PTK2: variants seen among roughly 807,000 people sequenced by gnomAD.
The protein encoded by PTK2 is focal adhesion kinase 1.
PTK2 carries 45 observed loss-of-function variants against 150.1 expected under a neutral mutation model. The observed-to-expected ratio is 0.30, with a 90% CI of 0.24 to 0.38. PTK2 has a LOEUF of 0.38. PTK2 is among the 10% of genes least tolerant of loss of function. The probability of loss-of-function intolerance (pLI) is 1.00; values close to 1 mark genes in which losing one functional copy is unlikely to be tolerated. For missense variants in PTK2, 919 were observed against 1,307.3 expected, an observed-to-expected ratio of 0.70 and a Z score of 4.58; for synonymous variants, 432 against 449.2, an observed-to-expected ratio of 0.96 and a Z score of 0.48.
At chr8:140,901,831 C>CG (rs2100158598) in intron 2 of PTK2, among the ~76,000 whole-genome samples, 1 of 151,938 alleles carries the variant, frequency 6.6e-6, no homozygotes, top group Non-Finnish European at 1.5e-5. Context: ...CGACAGGCCC[C>CG]GGTGTGTGAT....
At chr8:140,783,305 T>C (rs2100082950) in intron 14 of PTK2, among the ~76,000 whole-genome samples, 2 of 152,192 alleles carry the variant, frequency 1.3e-5, no homozygotes, top group Non-Finnish European at 2.9e-5. Flanking sequence ...TAGTCCAAGA[T>C]CAAGATTTCC....
chr8:140,814,191 C>G (rs1046749487), intron 10 of PTK2, among the ~76,000 whole-genome samples: 2 of 152,156 alleles, frequency 1.3e-5, no homozygotes, highest in African/African-American at 4.8e-5. Context: ...AAGCCCAGCA[C>G]CACATGGATT....
chr8:140,732,689 C>A, intron 22 of PTK2: 1 of 423,056 alleles, frequency 2.4e-6, no homozygotes, highest in East Asian at 8.1e-5. Flanking sequence ...TGACTAGCAC[C>A]AGGCTCAGCT....
chr8:140,960,873 G>A (rs1053644445), intron 1 of PTK2, among the ~76,000 whole-genome samples: 5 of 151,986 alleles, frequency 3.3e-5, no homozygotes, highest in Admixed American at 6.5e-5. Context: ...CCAGCCACTC[G>A]GGAGGCTGAG....
chr8:140,731,002 G>T (rs1360407047), intron 22 of PTK2, among the ~76,000 whole-genome samples: 1 of 130,552 alleles, frequency 7.7e-6, no homozygotes, highest in Non-Finnish European at 1.6e-5. Context: ...CTTGTCTCCC[G>T]GGCTGGAGTG....
At position 140,715,172 on chromosome 8, in the gene PTK2, T is replaced by G. The variant is rs1045760655; in HGVS notation, c.2142+2426A>C. Among the ~76,000 whole-genome samples the G allele has an allele frequency of 1.9e-3, 244 of 127,402 alleles. 10 individuals are homozygous for G. Among genetic ancestry groups the G allele is most frequent in the Non-Finnish European group, 2.9e-3 (178 of 60,668 alleles). 83.6% of individuals were successfully genotyped at this position (127,402 alleles called of 152,430 possible). A position where few individuals can be genotyped will look rare whatever the true frequency, so the allele number is the denominator to read the frequency against. On this transcript the variant is annotated intron_variant, in intron 23 of 31. Coordinates refer to ENST00000522684, the Ensembl canonical transcript of PTK2. ...TTAAAACCGTTTTTTTTTTTTTTTTTTTTTTTTTTTTTTTTTTTTTGAGAG... is the reference window on the plus strand; with the variant it reads ...TTAAAACCGTTTTTTTTTTTTTTTTGTTTTTTTTTTTTTTTTTTTTGAGAG...
chr8:140,703,224 T>C (rs949108092), intron 24 of PTK2, among the ~76,000 whole-genome samples: 1 of 151,588 alleles, frequency 6.6e-6, no homozygotes, highest in African/African-American at 2.4e-5. Context: ...GATCGGGCCA[T>C]TGCACTCCAG....
intron 6 of PTK2, 49 bp downstream of exon 6, chr8:140,846,550 A>C (rs2100125591): frequency 7.1e-7 from 1 of 1,411,706 alleles, no homozygotes; most frequent in Non-Finnish European, 9.9e-7. Context: ...ATTCAAAAAT[A>C]ATTAAAAAAT....
At chr8:140,787,911 A>G (rs1371612436) in intron 14 of PTK2, among the ~76,000 whole-genome samples, 1 of 152,218 alleles carries the variant, frequency 6.6e-6, no homozygotes, top group African/African-American at 2.4e-5. Context: ...AACATCCTGC[A>G]GAACATCCTT....
At chr8:140,785,609 A>G (rs2100084495) in intron 14 of PTK2, among the ~76,000 whole-genome samples, 1 of 152,196 alleles carries the variant, frequency 6.6e-6, no homozygotes, top group African/African-American at 2.4e-5. Context: ...GACAAATCCC[A>G]TGAAGACTCT....
chr8:140,977,061 T>C (rs2100189502), intron 1 of PTK2, among the ~76,000 whole-genome samples: 1 of 152,220 alleles, frequency 6.6e-6, no homozygotes, highest in Admixed American at 6.5e-5. Flanking sequence ...ACAAAATATG[T>C]CTAAATATTA....
At chr8:140,829,172 T>G (rs2100113776) in intron 8 of PTK2, among the ~76,000 whole-genome samples, 1 of 152,252 alleles carries the variant, frequency 6.6e-6, no homozygotes, top group African/African-American at 2.4e-5. Context: ...TCCTGTACTA[T>G]TCTTAAATGC....
Position 140,700,899 on chromosome 8 carries a change from T to C in PTK2, c.2491A>G (p.Arg831Gly), listed in dbSNP as rs1373172195. The C allele has an allele frequency of 6.2e-6, 10 of 1,613,844 alleles. No individual in the cohort carries two copies. The East Asian group carries it at 1.6e-4, about 25-fold the overall frequency. The change falls in exon 26 of 32, where the codon AGA (arginine) becomes GGA (glycine). Residue 831 changes from arginine (R) to glycine (G), a missense_variant. By Grantham distance (125) the Arg-to-Gly change is moderately radical. This residue lies in a region of PTK2 where 258 missense variants were observed against 265.4 expected (regional missense o/e 0.97). Coordinates refer to ENST00000522684, the Ensembl canonical transcript of PTK2. Reference sequence around the variant, plus strand: ...TTCAGAAACACAATTACCAGAAATCTTTCCTCTTTTTCCAGCCAGCGCTGA... The same window carrying C: ...TTCAGAAACACAATTACCAGAAATCCTTCCTCTTTTTCCAGCCAGCGCTGA...
intron 1 of PTK2, among the ~76,000 whole-genome samples, chr8:140,950,752 C>A (rs978743870): frequency 6.6e-6 from 1 of 152,138 alleles, no homozygotes; most frequent in Non-Finnish European, 1.5e-5. Context: ...AAGTTATACA[C>A]AAATTTTCAA....
intron 27 of PTK2, among the ~76,000 whole-genome samples, chr8:140,679,988 A>G (rs759514446): frequency 6.6e-6 from 1 of 152,204 alleles, no homozygotes; most frequent in Non-Finnish European, 1.5e-5. Context: ...TCTGTTGAGC[A>G]AGGCTGGCTA....
At position 140,693,564 on chromosome 8, in the gene PTK2, TAAAAAAAAAA is replaced by T. The variant is rs377205785; in HGVS notation, c.2500-6880_2500-6871del. The stretch of plus-strand genomic sequence containing the variant: ...CCACAGAGTGAGACTTTGTCTCAAT[TAAAAAAAAAA>T]AAAAAAAAAAAAAAAAAAAAAAAAA... On this transcript the variant is annotated intron_variant, in intron 26 of 31. Transcript: ENST00000522684. 7.3e-4 allele frequency among the ~76,000 whole-genome samples: 53 copies of T among 72,452 alleles called. 3 individuals are homozygous for T. Among genetic ancestry groups the T allele is most frequent in the African/African-American group, 2.8e-3 (47 of 16,654 alleles). 47.5% of individuals were successfully genotyped at this position (72,452 alleles called of 152,430 possible). A position where few individuals can be genotyped will look rare whatever the true frequency, so the allele number is the denominator to read the frequency against.
At chr8:140,749,111 C>G (rs1468090687) in intron 17 of PTK2, among the ~76,000 whole-genome samples, 2 of 152,104 alleles carry the variant, frequency 1.3e-5, no homozygotes, top group East Asian at 1.9e-4. Flanking sequence ...ATGTGTTTTA[C>G]AAGTTTTCCC....
rs1039953053 is a variant in PTK2 at position 140,833,096 on chromosome 8, T to C, written c.594-2570A>G. On this transcript the variant is annotated intron_variant, in intron 7 of 31. Transcript: ENST00000522684. ...AAAGTGTTGTATGATTCAAGAAAAATGAAAGGAAGCATATGTTTTTTGAAA... is the reference window on the plus strand; with the variant it reads ...AAAGTGTTGTATGATTCAAGAAAAACGAAAGGAAGCATATGTTTTTTGAAA... The C allele has an allele frequency of 9.7e-6, 5 of 517,906 alleles. No individual in the cohort carries two copies. The Admixed American group carries it at 9.7e-5, about 10-fold the overall frequency. The allele number at this position is 517,906 out of a possible 1,614,324, so 32.1% of individuals were successfully genotyped here.
rs143234318 is a variant in PTK2, at chr8:140,813,896, T to A, written c.867+4381A>T. 1.0e-3 allele frequency among the ~76,000 whole-genome samples: 155 copies of A among 151,726 alleles called. 4 individuals are homozygous for A. The East Asian group carries it at 0.027, about 26-fold the overall frequency. On this transcript the variant is annotated intron_variant, in intron 10 of 31. Coordinates refer to ENST00000522684, the Ensembl canonical transcript of PTK2. The stretch of plus-strand genomic sequence containing the variant: ...AGTTGTTTTTTTAAAAAAAAATTAA[T>A]AAAATAGACCACTACCCAGATTAAT...
Sources: gnomAD v4.1 joint callset for allele counts (sites outside exome capture counted in the v4.1 genomes callset) on GRCh38, gnomAD v4.1.1 for gene constraint, gnomAD v4.1.1 regional missense constraint, MANE v1.5 for transcripts, NCBI Gene and HGNC (gene_info 2026-07-23, HGNC 2026-07-21) for gene names.